ZFYVE26: variants seen among roughly 807,000 people sequenced by gnomAD.
The protein encoded by ZFYVE26 is zinc finger FYVE-type containing 26.
ZFYVE26 carries 181 observed loss-of-function variants against 276.5 expected under a neutral mutation model. The ratio of observed to expected loss-of-function variants is 0.65; its 90% CI spans 0.58 to 0.74. The LOEUF (loss-of-function observed/expected upper bound fraction) is 0.74, where lower values mean the gene tolerates loss of function less well. Ranked by LOEUF, ZFYVE26 falls within the 30% of genes least tolerant of loss-of-function variation. The pLI is 0.00. For missense variants in ZFYVE26, 2,821 were observed against 3,097.9 expected (o/e 0.91, Z 2.12); for synonymous variants, 1,129 against 1,203.1 (o/e 0.94, Z 1.27).
At chr14:67,732,712 G>A (rs554507771) in intron 13 of ZFYVE26, among the ~76,000 whole-genome samples, 90 of 152,216 alleles carry the variant, frequency 5.9e-4, no homozygotes, top group African/African-American at 2.0e-3. Flanking sequence ...AAGTAGCTGG[G>A]ATTACGGGTG....
intron 14 of ZFYVE26, 54 bp from the exon 15 acceptor site, chr14:67,790,827 T>C (rs1594922801): frequency 6.5e-6 from 10 of 1,532,402 alleles, no homozygotes; most frequent in African/African-American, 4.1e-5. Flanking sequence ...ATTTAGGGAA[T>C]GTCCATGGAT....
rs2039595593 is a variant in ZFYVE26 at position 67,784,432 on chromosome 14, A to G, written c.3528T>C (p.His1176=). ...LLQSLSSEPD[H]VEVKVGNPFV... is the part of the protein sequence containing the mutation. Reference sequence around the variant, plus strand: ...AGGGATTTCCTACCTTGACCTCCACATGATCTGCAAAGGTAAAGAACATGA... The same window carrying G: ...AGGGATTTCCTACCTTGACCTCCACGTGATCTGCAAAGGTAAAGAACATGA... The change falls in exon 20 of 42, where the codon CAT becomes CAC. Residue 1176 remains histidine (H), a synonymous_variant. Coordinates refer to ENST00000347230, the MANE Select transcript of ZFYVE26 (RefSeq NM_015346.4). 5.0e-6 allele frequency: 8 copies of G among 1,613,838 alleles called. No homozygotes were observed. In the East Asian group the frequency reaches 1.6e-4, roughly 31 times the overall value.
In ZFYVE26 at chr14:67,762,072, A is replaced by T. The variant is rs183005066; in HGVS notation, c.6369+131T>A. On this transcript the variant is annotated intron_variant, in intron 34 of 41. Coordinates refer to ENST00000347230, the MANE Select transcript of ZFYVE26 (RefSeq NM_015346.4). ...CTAACTATATGTGATGGAAAAAAAA[A>T]ATTTTTAACCTGCTTGATGCTGAGC... 1.3e-3 allele frequency: 1,408 copies of T among 1,082,134 alleles called. 7 individuals are homozygous for T. The East Asian group carries it at 0.021, about 16-fold the overall frequency. 67.0% of individuals were successfully genotyped at this position (1,082,134 alleles called of 1,614,324 possible).
At chr14:67,745,323 T>C (rs2038468689), downstream of ZFYVE26, among the ~76,000 whole-genome samples, 1 of 152,210 alleles carries the variant, frequency 6.6e-6, no homozygotes, top group South Asian at 2.1e-4. Context: ...GTCAGATGGA[T>C]AGATTTAAAA....
intron 14 of ZFYVE26, among the ~76,000 whole-genome samples, chr14:67,791,417 T>C (rs1374348409): frequency 6.6e-6 from 1 of 152,120 alleles, no homozygotes; most frequent in Non-Finnish European, 1.5e-5. Context: ...AAAAGACAAA[T>C]GCTAATATTA....
chr14:67,754,260 TGACTGAGGCCAGGA>T, intron 37 of ZFYVE26, 48 bp from the exon 38 acceptor site: 1 of 1,612,790 alleles, frequency 6.2e-7, no homozygotes, highest in South Asian at 1.1e-5. Context: ...GGGCCCCAGG[TGACTGAGGCCAGGA>T]GACTGAGAAG....
chr14:67,754,237 C>G, intron 37 of ZFYVE26, 25 bp from the exon 38 acceptor site: 1 of 1,614,050 alleles, frequency 6.2e-7, no homozygotes, highest in South Asian at 1.1e-5. Flanking sequence ...TATGCACAGT[C>G]CAGCCTCATG....
At chr14:67,803,404 CCATCTTGG>C (rs1392006205) in intron 9 of ZFYVE26, among the ~76,000 whole-genome samples, 1 of 152,150 alleles carries the variant, frequency 6.6e-6, no homozygotes, top group East Asian at 1.9e-4. Context: ...TACAGTGGCA[CCATCTTGG>C]CTGACTGCAA....
intron 16 of ZFYVE26, among the ~76,000 whole-genome samples, chr14:67,788,128 C>T (rs886650078): frequency 1.3e-5 from 2 of 151,490 alleles, no homozygotes; most frequent in Admixed American, 6.6e-5. Context: ...CGGTGGCTCA[C>T]GCCTATAATC....
Position 67,755,128 on chromosome 14 carries a change from G to C in ZFYVE26, c.6909C>G (p.Leu2303=), listed in dbSNP as rs745511072. Residue 2303 remains leucine (L), a synonymous_variant, in exon 37 of 42, where the codon CTC becomes CTG. Transcript: ENST00000347230. The part of the protein sequence containing the change: ...LKAKDHLKIY[L]QETSRSSGRK... ...TTCCAGAGCTGCGGGATGTTTCTTG[G>C]AGGTAGATCTTCAGGTGGTCCTTGG... 2.5e-6 allele frequency: 4 copies of C among 1,614,160 alleles called. No individual in the cohort carries two copies. Among genetic ancestry groups the C allele is most frequent in the Non-Finnish European group, 3.4e-6 (4 of 1,180,028 alleles).
intron 5 of ZFYVE26, 128 bp downstream of exon 5, chr14:67,807,270 C>T (rs1269379212): frequency 8.1e-7 from 1 of 1,227,148 alleles, no homozygotes; most frequent in African/African-American, 1.5e-5. Flanking sequence ...GAGCATCGCA[C>T]CCATTTTTGC....
rs761695794 is a variant in ZFYVE26, at chr14:67,790,787, G to C, written c.2554-14C>G. The C allele has an allele frequency of 6.2e-7, 1 of 1,611,130 alleles. No homozygotes were observed. The highest frequency in any genetic ancestry group is 1.1e-5 in the South Asian group (1 of 90,854). Reference sequence around the variant, plus strand: ...CGTGAACAGCACCTGTCATAGGAGAGGGAGTGTGTGGGCCCTGGTGGTCCC... The same window carrying C: ...CGTGAACAGCACCTGTCATAGGAGACGGAGTGTGTGGGCCCTGGTGGTCCC... On this transcript the variant is annotated splice_polypyrimidine_tract_variant and intron_variant, in intron 14 of 41. Transcript: ENST00000347230.
At chr14:67,776,142 AG>A (rs2039338090) in intron 25 of ZFYVE26, 36 bp from the exon 26 acceptor site, 4 of 1,613,264 alleles carry the variant, frequency 2.5e-6, no homozygotes, top group Non-Finnish European at 3.4e-6. Context: ...TAAAGAAAAT[AG>A]TACACAAATT....
At chr14:67,739,468 C>A (rs941761751) in intron 13 of ZFYVE26, among the ~76,000 whole-genome samples, 4 of 152,066 alleles carry the variant, frequency 2.6e-5, no homozygotes, top group Middle Eastern at 3.2e-3. Context: ...TTATGTTGAA[C>A]CCTATAAAGT....
In ZFYVE26 at chr14:67,752,409, C is replaced by T. The variant is rs748468102; in HGVS notation, c.7306G>A (p.Ala2436Thr). Residue 2436 changes from alanine (A) to threonine (T), a missense_variant, in exon 40 of 42, where the codon GCC becomes ACC. Ala to Thr is a moderately conservative substitution (Grantham distance 58). Coordinates refer to ENST00000347230, the MANE Select transcript of ZFYVE26 (RefSeq NM_015346.4). The stretch of plus-strand genomic sequence containing the variant: ...AGGATGGTGTCCCCGTCACTTTTGG[C>T]TGCCATGCCTGACTCACTGACACAT... ...LKCVSESGMAAKSDGDTILLN... is the reference protein window; with the variant it reads ...LKCVSESGMATKSDGDTILLN... 3 of 1,613,230 alleles carry T rather than the reference C, an allele frequency of 1.9e-6. No individual in the cohort carries two copies. The highest frequency in any genetic ancestry group is 2.5e-6 in the Non-Finnish European group (3 of 1,179,644).
At chr14:67,752,705 T>C (rs747296078) in intron 39 of ZFYVE26, among the ~76,000 whole-genome samples, 179 bp from the exon 40 acceptor site, 5 of 152,206 alleles carry the variant, frequency 3.3e-5, no homozygotes, top group Admixed American at 2.0e-4. Flanking sequence ...TGGAGTTAGG[T>C]AGACCTTTAG....
chr14:67,763,260 G>A (rs1429404215), intron 32 of ZFYVE26, among the ~76,000 whole-genome samples: 3 of 152,186 alleles, frequency 2.0e-5, no homozygotes, highest in Non-Finnish European at 4.4e-5. Context: ...TGAAAGCTCT[G>A]GAGTCACACT....
At chr14:67,799,211 G>A in intron 10 of ZFYVE26, 19 of 1,611,752 alleles carry the variant, frequency 1.2e-5, no homozygotes, top group Non-Finnish European at 1.5e-5. Context: ...AGAGCTGGCT[G>A]ATATTAAACA....
Position 67,782,919 on chromosome 14 carries a change from A to C in ZFYVE26, c.4233T>G (p.Asp1411Glu). The C allele has an allele frequency of 6.2e-7, 1 of 1,614,210 alleles. No homozygotes were observed. Among genetic ancestry groups the C allele is most frequent in the Non-Finnish European group, 8.5e-7 (1 of 1,180,034 alleles). The change falls in exon 21 of 42, where the codon GAT becomes GAG. Residue 1411 changes from aspartate to glutamate, a missense_variant. Coordinates refer to ENST00000347230, the MANE Select transcript of ZFYVE26 (RefSeq NM_015346.4). ...LLGLHSPIAL[D>E]VLSEAFEESL... ...ATTCCTCAAAAGCCTCACTCAGTAC[A>C]TCTAGGGCAATGGGAGAATGTAGGC...
Sources: allele counts gnomAD v4.1 joint callset (sites outside exome capture counted in the v4.1 genomes callset), GRCh38; gene constraint gnomAD v4.1.1; transcripts MANE v1.5; gene names NCBI Gene and HGNC (gene_info 2026-07-23, HGNC 2026-07-21).